The following CSNK1A1 variants were observed in gnomAD, a reference collection of about 807,000 sequenced individuals.
CSNK1A1 encodes casein kinase 1 alpha 1, also known as casein kinase I isoform alpha.
A neutral mutation model predicts 46.1 loss-of-function variants in CSNK1A1; 7 were observed. The observed-to-expected ratio is 0.15, with a 90% CI of 0.09 to 0.29. The LOEUF is 0.29. Ranked by LOEUF, CSNK1A1 falls within the 10% of genes least tolerant of loss-of-function variation. The pLI is 1.00. For missense variants in CSNK1A1, 96 were observed against 417.1 expected, an observed-to-expected ratio of 0.23 and a Z score of 6.71; for synonymous variants, 137 against 141.5, an observed-to-expected ratio of 0.97 and a Z score of 0.23.
intron 9 of CSNK1A1, chr5:149,499,165 C>A (rs1412427829): frequency 1.0e-6 from 1 of 985,190 alleles, no homozygotes; most frequent in Non-Finnish European, 1.2e-6. Flanking sequence ...ACTAAGCATT[C>A]TTTTCCCCAA....
At chr5:149,532,824 A>C (rs1248250335) in intron 2 of CSNK1A1, among the ~76,000 whole-genome samples, 1 of 152,180 alleles carries the variant, frequency 6.6e-6, no homozygotes, top group Non-Finnish European at 1.5e-5. Context: ...ATAAAAATGT[A>C]ATTTTCCTTA....
chr5:149,493,274 T>G lies in CSNK1A1; in HGVS notation c.*3579A>C, dbSNP rs1760571053. 1 of 152,152 alleles carries G rather than the reference T, an allele frequency of 6.6e-6. No individual in the cohort carries two copies. Among genetic ancestry groups the G allele is most frequent in the Admixed American group, 6.5e-5 (1 of 15,276 alleles). 9.4% of individuals were successfully genotyped at this position (152,152 alleles called of 1,614,324 possible). On this transcript the variant is annotated 3_prime_UTR_variant, in exon 10 of 10. Transcript: ENST00000377843. ...TTAGTAGAGACAGGGTTTCACTATG[T>G]TGGCCAGGCTGGTCTTGAACTCCTG... is the stretch of plus-strand genomic sequence containing the variant.
chr5:149,525,280 G>A lies in CSNK1A1; in HGVS notation c.231-109C>T, dbSNP rs915997219. ...TCACTGACTAGGTATTATATAAGGC[G>A]AATGTTCCCCTACTCAGAAGACAAA... On this transcript the variant is annotated intron_variant, in intron 2 of 9. Transcript: ENST00000377843. The surrounding 1 kb of genome is among the most constrained non-coding windows in gnomAD (Gnocchi z 4.2). 1.5e-4 allele frequency: 167 copies of A among 1,116,596 alleles called. No homozygotes were observed. Among genetic ancestry groups the A allele is most frequent in the Non-Finnish European group, 1.9e-4 (157 of 824,602 alleles). 69.2% of individuals were successfully genotyped at this position (1,116,596 alleles called of 1,614,324 possible).
intron 3 of CSNK1A1, among the ~76,000 whole-genome samples, chr5:149,524,670 C>T (rs752318474): frequency 9.2e-5 from 14 of 152,134 alleles, no homozygotes; most frequent in Non-Finnish European, 2.1e-4. Context: ...AAGAGTCCCA[C>T]ACATAATACA....
chr5:149,498,521 A>G, intron 9 of CSNK1A1: 1 of 985,258 alleles, frequency 1.0e-6, no homozygotes, highest in Non-Finnish European at 1.2e-6. Flanking sequence ...CTTGTTTGGG[A>G]GTTTAAAAAA....
At chr5:149,542,721 A>G (rs1382006484) in intron 2 of CSNK1A1, among the ~76,000 whole-genome samples, 1 of 104,562 alleles carries the variant, frequency 9.6e-6, no homozygotes, top group African/African-American at 3.8e-5. Flanking sequence ...TTTGAGACAG[A>G]GGCTCGCTCT....
At chr5:149,510,762 G>A (rs914947173) in intron 6 of CSNK1A1, among the ~76,000 whole-genome samples, 8 of 152,074 alleles carry the variant, frequency 5.3e-5, no homozygotes, top group African/African-American at 1.9e-4. Context: ...TTATAGGCAT[G>A]AGCCACCATG....
At chr5:149,543,499 T>C (rs922124376) in intron 2 of CSNK1A1, among the ~76,000 whole-genome samples, 2 of 152,064 alleles carry the variant, frequency 1.3e-5, no homozygotes, top group African/African-American at 4.8e-5. Flanking sequence ...TTTTTTTTTT[T>C]AGTCCAAGCT....
At chr5:149,498,680 CGT>C in intron 9 of CSNK1A1, 30 of 985,336 alleles carry the variant, frequency 3.0e-5, no homozygotes, top group Non-Finnish European at 3.6e-5. Context: ...ATTTAAAAAA[CGT>C]ATTTTCACAA....
At chr5:149,508,876 C>A (rs1761123486) in intron 7 of CSNK1A1, among the ~76,000 whole-genome samples, 1 of 152,156 alleles carries the variant, frequency 6.6e-6, no homozygotes, top group African/African-American at 2.4e-5. Flanking sequence ...AAACATAAAA[C>A]ACTTATTTTA....
intron 2 of CSNK1A1, among the ~76,000 whole-genome samples, chr5:149,546,193 C>T (rs1014847872): frequency 2.0e-5 from 3 of 151,790 alleles, no homozygotes; most frequent in Non-Finnish European, 4.4e-5. Flanking sequence ...TGAGCCATGG[C>T]GCCCGGCTTA....
At chr5:149,538,397 G>T (rs1318475257) in intron 2 of CSNK1A1, among the ~76,000 whole-genome samples, 1 of 152,126 alleles carries the variant, frequency 6.6e-6, no homozygotes, top group Non-Finnish European at 1.5e-5. Flanking sequence ...AGAAATGGTT[G>T]TTCTCTTCAA....
At chr5:149,548,672 C>T (rs889346101) in intron 2 of CSNK1A1, among the ~76,000 whole-genome samples, 3 of 152,094 alleles carry the variant, frequency 2.0e-5, no homozygotes, top group Non-Finnish European at 2.9e-5. Flanking sequence ...CCCAGCCTGG[C>T]CAACGTGGTG....
chr5:149,531,749 T>C (rs1001122789), intron 2 of CSNK1A1, among the ~76,000 whole-genome samples: 1 of 149,548 alleles, frequency 6.7e-6, no homozygotes, highest in Admixed American at 6.7e-5. Context: ...TGGGGACCTG[T>C]AATCCCAGCT....
At chr5:149,499,079 C>T in intron 9 of CSNK1A1, 1 of 985,330 alleles carries the variant, frequency 1.0e-6, no homozygotes, top group Non-Finnish European at 1.2e-6. Context: ...AGTGAATTGT[C>T]CTAAGATGTT....
intron 7 of CSNK1A1, among the ~76,000 whole-genome samples, chr5:149,509,561 C>T (rs986975858): frequency 3.3e-5 from 5 of 152,202 alleles, no homozygotes; most frequent in African/African-American, 1.2e-4. Context: ...TCACTGCACC[C>T]AGCTAATTTT....
rs1039143670 is a variant in CSNK1A1, at chr5:149,525,773, T to C, written c.231-602A>G. Among the ~76,000 whole-genome samples the C allele has an allele frequency of 6.6e-6, 1 of 152,214 alleles. No individual in the cohort carries two copies. Among genetic ancestry groups the C allele is most frequent in the African/African-American group, 2.4e-5 (1 of 41,468 alleles). On this transcript the variant is annotated intron_variant, in intron 2 of 9. Coordinates refer to ENST00000377843, the MANE Select transcript of CSNK1A1 (RefSeq NM_001892.6). This position sits in a 1 kb window ranked among gnomAD's most constrained non-coding sequence, Gnocchi z 4.2. Reference sequence around the variant, plus strand: ...TCCTGGGCTGTATTACTGTATACAATGTGTCCCTAATAAGAAGTATCAACT... The same window carrying C: ...TCCTGGGCTGTATTACTGTATACAACGTGTCCCTAATAAGAAGTATCAACT...
intron 2 of CSNK1A1, among the ~76,000 whole-genome samples, chr5:149,538,210 C>T (rs1317321901): frequency 2.0e-5 from 3 of 151,856 alleles, no homozygotes; most frequent in East Asian, 1.9e-4. Context: ...TTAGTAGAGA[C>T]GGGGTTTCTC....
intron 2 of CSNK1A1, among the ~76,000 whole-genome samples, chr5:149,537,074 A>C (rs1432054102): frequency 6.6e-6 from 1 of 152,172 alleles, no homozygotes; most frequent in Non-Finnish European, 1.5e-5. Flanking sequence ...TATTATTCTT[A>C]TTACAAAAAG....
Sources: gnomAD v4.1 joint callset for allele counts (sites outside exome capture counted in the v4.1 genomes callset) on GRCh38, gnomAD v4.1.1 for gene constraint, Gnocchi (gnomAD v3.1) non-coding constraint, MANE v1.5 for transcripts, NCBI Gene and HGNC (gene_info 2026-07-23, HGNC 2026-07-21) for gene names.